Variants in CADM1 observed in about 807,000 individuals in gnomAD.
CADM1 encodes cell adhesion molecule 1.
In CADM1, 15 loss-of-function variants were observed where a neutral mutation model predicts 53.1. The observed-to-expected ratio is 0.28, with a 90% CI of 0.19 to 0.44. The LOEUF (loss-of-function observed/expected upper bound fraction) is 0.44, where lower values mean the gene tolerates loss of function less well. Among genes scored for constraint, CADM1 ranks in the 20% least tolerant of loss-of-function variants. The pLI is 1.00. For synonymous variants in CADM1, 281 were observed against 243.0 expected (o/e 1.16, Z -1.45); for missense variants, 434 against 611.3 (o/e 0.71, Z 3.06).
intron 1 of CADM1, among the ~76,000 whole-genome samples, chr11:115,366,494 G>A (rs1330825506): frequency 6.6e-6 from 1 of 152,170 alleles, no homozygotes; most frequent in Non-Finnish European, 1.5e-5. Context: ...TCCCCTCGGA[G>A]ATCCTGAAAT....
chr11:115,253,958 T>C lies in CADM1; in HGVS notation c.125-13538A>G, dbSNP rs554861175. ...GTTATTAGGCAGACCTTGGGAAAGT[T>C]AAACTCTCTTAAGCCTCAGGATTCT... is the stretch of plus-strand genomic sequence containing the variant. On this transcript the variant is annotated intron_variant, in intron 1 of 11. Transcript: ENST00000331581. Among the ~76,000 whole-genome samples the C allele has an allele frequency of 5.7e-4, 87 of 152,332 alleles. 1 individual carries two copies. The highest frequency in any genetic ancestry group is 9.4e-4 in the Non-Finnish European group (64 of 68,024).
chr11:115,247,340 T>C (rs1474306749), intron 1 of CADM1, among the ~76,000 whole-genome samples: 2 of 152,196 alleles, frequency 1.3e-5, no homozygotes, highest in African/African-American at 2.4e-5. Context: ...TTGACACCAA[T>C]TAAGGTCTAT....
At chr11:115,413,425 TA>T (rs1947506267) in intron 1 of CADM1, among the ~76,000 whole-genome samples, 1 of 152,204 alleles carries the variant, frequency 6.6e-6, no homozygotes, top group African/African-American at 2.4e-5. Context: ...CAATAACTCC[TA>T]ACATTTATTG....
At chr11:115,354,082 T>G (rs576124849) in intron 1 of CADM1, among the ~76,000 whole-genome samples, 5 of 152,300 alleles carry the variant, frequency 3.3e-5, no homozygotes, top group Non-Finnish European at 7.4e-5. Context: ...TCTGCTGATC[T>G]GGAAGCAGAA....
In CADM1 at chr11:115,276,666, A is replaced by T. The variant is rs1003013782; in HGVS notation, c.125-36246T>A. Among the ~76,000 whole-genome samples, 82 of 152,160 alleles carry T rather than the reference A, an allele frequency of 5.4e-4. 1 individual carries two copies. Among genetic ancestry groups the T allele is most frequent in the African/African-American group, 2.0e-3 (82 of 41,426 alleles). On this transcript the variant is annotated intron_variant, in intron 1 of 11. Coordinates refer to ENST00000331581, the MANE Select transcript of CADM1 (RefSeq NM_001301043.2). ...GGGCAAGAACTGTCTTATACAATTAAGTTTCCTTATTTGTCATGTACCTAA... is the reference window on the plus strand; with the variant it reads ...GGGCAAGAACTGTCTTATACAATTATGTTTCCTTATTTGTCATGTACCTAA...
chr11:115,382,526 A>T (rs1946604150), intron 1 of CADM1, among the ~76,000 whole-genome samples: 1 of 152,188 alleles, frequency 6.6e-6, no homozygotes, highest in Non-Finnish European at 1.5e-5. Flanking sequence ...AACATGTATC[A>T]CATATAAAAG....
At chr11:115,217,179 T>C (rs1941222707) in intron 6 of CADM1, among the ~76,000 whole-genome samples, 1 of 152,202 alleles carries the variant, frequency 6.6e-6, no homozygotes, top group Non-Finnish European at 1.5e-5. Flanking sequence ...GAATAATAGT[T>C]AAAATGGTAC....
At chr11:115,190,438 A>C (rs932835490) in intron 10 of CADM1, among the ~76,000 whole-genome samples, 1 of 151,840 alleles carries the variant, frequency 6.6e-6, no homozygotes, top group South Asian at 2.1e-4. Flanking sequence ...GACTTCTAAG[A>C]TAACTACAAC....
At chr11:115,268,787 T>C (rs1329789291) in intron 1 of CADM1, among the ~76,000 whole-genome samples, 4 of 152,202 alleles carry the variant, frequency 2.6e-5, no homozygotes, top group East Asian at 1.9e-4. Context: ...AGCCCCTCTT[T>C]AGAGTCAGTT....
chr11:115,331,031 G>T (rs1350628019), intron 1 of CADM1, among the ~76,000 whole-genome samples: 1 of 152,110 alleles, frequency 6.6e-6, no homozygotes, highest in Non-Finnish European at 1.5e-5. Context: ...TTGCAGGTTG[G>T]GGGGCCTGGT....
intron 1 of CADM1, among the ~76,000 whole-genome samples, chr11:115,346,575 T>A (rs951747269): frequency 1.3e-5 from 2 of 152,144 alleles, no homozygotes; most frequent in African/African-American, 2.4e-5. Context: ...TTTTCCATTG[T>A]TGAAAGACAT....
At chr11:115,319,328 C>T (rs545879407) in intron 1 of CADM1, among the ~76,000 whole-genome samples, 13 of 152,178 alleles carry the variant, frequency 8.5e-5, no homozygotes, top group Non-Finnish European at 1.2e-4. Context: ...GCAAAAACTC[C>T]ATCTTGGACC....
Position 115,504,378 on chromosome 11 carries a change from A to G in CADM1, c.17T>C (p.Leu6Pro). Residue 6 changes from leucine (L) to proline (P), a missense_variant, in exon 1 of 12, where the codon CTG becomes CCG. This residue lies in a region of CADM1 where 76 missense variants were observed against 59.8 expected (regional missense o/e 1.27). Transcript: ENST00000331581. Reference sequence around the variant, plus strand: ...CGCCGCACACTGGGATCCGCTCGGCAGCACTACACTCGCCATGTCGGGCAC... The same window carrying G: ...CGCCGCACACTGGGATCCGCTCGGCGGCACTACACTCGCCATGTCGGGCAC... Reference protein sequence around the residue: MASVVLPSGSQCAAAA... With the variant: MASVVPPSGSQCAAAA... The G allele has an allele frequency of 6.5e-7, 1 of 1,547,366 alleles. No individual in the cohort carries two copies.
intron 10 of CADM1, among the ~76,000 whole-genome samples, chr11:115,188,537 A>G (rs943853915): frequency 6.6e-6 from 1 of 152,154 alleles, no homozygotes; most frequent in Admixed American, 6.5e-5. Context: ...AGGGGACAAA[A>G]GGAAAATAGA....
At chr11:115,242,437 A>G (rs757042434) in intron 1 of CADM1, among the ~76,000 whole-genome samples, 10 of 152,108 alleles carry the variant, frequency 6.6e-5, no homozygotes, top group South Asian at 4.1e-4. Flanking sequence ...GTTTATTCCC[A>G]GATTGGAGAA....
chr11:115,409,278 A>C (rs1314951908), intron 1 of CADM1, among the ~76,000 whole-genome samples: 1 of 152,234 alleles, frequency 6.6e-6, no homozygotes, highest in Non-Finnish European at 1.5e-5. Context: ...ACCTCTCTAC[A>C]TAACACACAA....
intron 10 of CADM1, among the ~76,000 whole-genome samples, chr11:115,182,408 A>G (rs1192414688): frequency 6.6e-6 from 1 of 152,226 alleles, no homozygotes; most frequent in Non-Finnish European, 1.5e-5. Context: ...GCCCTGCCCC[A>G]TCATCCTGAA....
chr11:115,211,151 T>C (rs1369300258), intron 7 of CADM1, among the ~76,000 whole-genome samples: 1 of 151,388 alleles, frequency 6.6e-6, no homozygotes, highest in African/African-American at 2.4e-5. Context: ...AGGCCATGTG[T>C]TCAGTCTTGC....
At chr11:115,189,657 T>C (rs1313553527) in intron 10 of CADM1, among the ~76,000 whole-genome samples, 4 of 152,216 alleles carry the variant, frequency 2.6e-5, no homozygotes, top group African/African-American at 9.6e-5. Flanking sequence ...AATGAAACAC[T>C]CTCTTGATTG....
Sources: gnomAD v4.1 joint callset for allele counts (sites outside exome capture counted in the v4.1 genomes callset) on GRCh38, gnomAD v4.1.1 for gene constraint, gnomAD v4.1.1 regional missense constraint, MANE v1.5 for transcripts, NCBI Gene and HGNC (gene_info 2026-07-23, HGNC 2026-07-21) for gene names.